Variants in KCNH1 observed in about 807,000 individuals in gnomAD.
The protein encoded by KCNH1 is potassium voltage-gated channel subfamily H member 1.
A neutral mutation model predicts 69.2 loss-of-function variants in KCNH1; 27 were observed. That is an observed-to-expected ratio of 0.39 (90% CI 0.29 to 0.54). The LOEUF is 0.54. Among genes scored for constraint, KCNH1 ranks in the 20% least tolerant of loss-of-function variants. The pLI is 0.68. For missense variants in KCNH1, 798 were observed against 1,261.6 expected (o/e 0.63, Z 5.57); for synonymous variants, 456 against 487.7 (o/e 0.93, Z 0.86).
intron 6 of KCNH1, among the ~76,000 whole-genome samples, chr1:210,986,608 A>G (rs10863872): frequency 0.24 from 36,025 of 151,920 alleles, 5,860 homozygotes; most frequent in African/African-American, 0.45. Context: ...GTTGAATATC[A>G]GCCCCCACTC....
chr1:211,093,646 C>T (rs1691094284), intron 3 of KCNH1, among the ~76,000 whole-genome samples: 1 of 152,210 alleles, frequency 6.6e-6, no homozygotes, highest in Non-Finnish European at 1.5e-5. Flanking sequence ...AAATATATAT[C>T]TTGTAACAAA....
Position 211,133,725 on chromosome 1 carries a change from G to A in KCNH1, c.79+142C>T. The A allele has an allele frequency of 1.4e-6, 1 of 700,728 alleles. No homozygotes were observed. The highest frequency in any genetic ancestry group is 2.5e-6 in the Non-Finnish European group (1 of 404,874). The allele number at this position is 700,728 out of a possible 1,614,324, so 43.4% of individuals were successfully genotyped here. On this transcript the variant is annotated intron_variant, in intron 1 of 10. Transcript: ENST00000271751. This position sits in a 1 kb window ranked among gnomAD's most constrained non-coding sequence, Gnocchi z 5.4. ...TGCCCACCTTTCTCTGCCTCGGGGA[G>A]GCTGCCCTGGGTGCCCGCGCCGCGG...
intron 7 of KCNH1, among the ~76,000 whole-genome samples, chr1:210,830,634 G>A (rs1213785091): frequency 6.6e-6 from 1 of 152,106 alleles, no homozygotes; most frequent in Middle Eastern, 3.2e-3. Context: ...AAAGGCAAAA[G>A]AAAAATTTTA....
chr1:211,051,623 G>T (rs1387838066), intron 5 of KCNH1, among the ~76,000 whole-genome samples: 1 of 152,208 alleles, frequency 6.6e-6, no homozygotes, highest in Non-Finnish European at 1.5e-5. Context: ...GGCTGATGCT[G>T]AGGTCAAAGG....
At chr1:210,955,717 G>T (rs1688160105) in intron 6 of KCNH1, among the ~76,000 whole-genome samples, 1 of 151,840 alleles carries the variant, frequency 6.6e-6, no homozygotes, top group South Asian at 2.1e-4. Context: ...TGTTGTTGGT[G>T]TATAGGAATC....
At chr1:210,784,976 C>T (rs1684066601) in intron 9 of KCNH1, among the ~76,000 whole-genome samples, 2 of 152,178 alleles carry the variant, frequency 1.3e-5, no homozygotes, top group African/African-American at 4.8e-5. Context: ...ACAACCTGGC[C>T]TTACCTATCA....
chr1:210,717,151 C>T (rs552931526), intron 10 of KCNH1, among the ~76,000 whole-genome samples: 3 of 152,248 alleles, frequency 2.0e-5, no homozygotes, highest in African/African-American at 7.2e-5. Flanking sequence ...AAAAAGCTGC[C>T]CTTATTTGCC....
chr1:210,830,242 G>T (rs1212677452), intron 7 of KCNH1, among the ~76,000 whole-genome samples: 1 of 152,068 alleles, frequency 6.6e-6, no homozygotes, highest in East Asian at 1.9e-4. Flanking sequence ...CTACTCATCC[G>T]TTAACTTCGT....
intron 6 of KCNH1, among the ~76,000 whole-genome samples, chr1:210,951,957 C>G (rs912915932): frequency 1.3e-5 from 2 of 152,244 alleles, no homozygotes; most frequent in South Asian, 2.1e-4. Context: ...TCTGGCCCTC[C>G]TTGTTATCTC....
chr1:210,887,461 A>T (rs2102516986), intron 7 of KCNH1, among the ~76,000 whole-genome samples: 1 of 152,226 alleles, frequency 6.6e-6, no homozygotes, highest in South Asian at 2.1e-4. Flanking sequence ...TAAGGACCAT[A>T]GATACTATGA....
rs80278190 is a variant in KCNH1, at chr1:210,700,296, C to T, written c.2113-16158G>A. Among the ~76,000 whole-genome samples the T allele has an allele frequency of 8.0e-3, 1,217 of 152,292 alleles. 11 individuals carry two copies. The highest frequency in any genetic ancestry group is 7.8e-3 in the Non-Finnish European group (530 of 68,032). ...TGGTATAGGGAGCAGATAATTACTG[C>T]CTACTGACACAACTCACAAGCTTCC... is the stretch of plus-strand genomic sequence containing the variant. On this transcript the variant is annotated intron_variant, in intron 10 of 10. Transcript: ENST00000271751.
chr1:211,021,939 A>T (rs1689592786), intron 5 of KCNH1, among the ~76,000 whole-genome samples: 1 of 152,202 alleles, frequency 6.6e-6, no homozygotes, highest in African/African-American at 2.4e-5. Flanking sequence ...CTATTAAAAT[A>T]CCAATGACAA....
chr1:210,807,519 C>G (rs1194460434), intron 7 of KCNH1, among the ~76,000 whole-genome samples: 1 of 151,874 alleles, frequency 6.6e-6, no homozygotes, highest in African/African-American at 2.4e-5. Context: ...GGCTAAGGCA[C>G]AAGAATCACT....
At chr1:211,083,453 G>A (rs1690893055) in intron 4 of KCNH1, among the ~76,000 whole-genome samples, 1 of 152,236 alleles carries the variant, frequency 6.6e-6, no homozygotes, top group Non-Finnish European at 1.5e-5. Context: ...GAAAAGCAGT[G>A]GTAGATTTTA....
At chr1:210,718,409 A>ATTTATATATATAAATATATACATATATT (rs1159601452) in intron 10 of KCNH1, among the ~76,000 whole-genome samples, 1 of 12,648 alleles carries the variant, frequency 7.9e-5, no homozygotes, top group African/African-American at 4.0e-4. Context: ...ATATGCATAT[A>ATTTATATATATAAATATATACATATATT]TGTATATATA....
intron 7 of KCNH1, among the ~76,000 whole-genome samples, chr1:210,903,943 G>A (rs1218114945): frequency 1.3e-5 from 2 of 152,166 alleles, no homozygotes; most frequent in Middle Eastern, 3.2e-3. Flanking sequence ...GCCCCTAAGA[G>A]AGAGAATAGC....
intron 6 of KCNH1, among the ~76,000 whole-genome samples, chr1:210,944,067 A>G (rs1687917749): frequency 6.6e-6 from 1 of 152,210 alleles, no homozygotes; most frequent in African/African-American, 2.4e-5. Context: ...GCCCCAGAGG[A>G]GGCCACTAAT....
intron 1 of KCNH1, among the ~76,000 whole-genome samples, chr1:211,130,800 C>G (rs1445387025): frequency 6.6e-6 from 1 of 152,134 alleles, no homozygotes; most frequent in African/African-American, 2.4e-5. Context: ...ATGGGGCACA[C>G]AGATGTTAAG....
chr1:210,986,233 A>G (rs1005859715), intron 6 of KCNH1, among the ~76,000 whole-genome samples: 9 of 152,104 alleles, frequency 5.9e-5, no homozygotes, highest in Non-Finnish European at 8.8e-5. Context: ...TTGCCTCTTT[A>G]TCCAATTTGC....
Sources: gnomAD v4.1 joint callset for allele counts (sites outside exome capture counted in the v4.1 genomes callset) on GRCh38, gnomAD v4.1.1 for gene constraint, Gnocchi (gnomAD v3.1) non-coding constraint, MANE v1.5 for transcripts, NCBI Gene and HGNC (gene_info 2026-07-23, HGNC 2026-07-21) for gene names.